The following FTCDNL1 variants were observed in gnomAD, a reference collection of about 807,000 sequenced individuals.
The protein encoded by FTCDNL1 is formiminotransferase cyclodeaminase N-terminal like, also known as formiminotransferase N-terminal subdomain-containing protein.
A neutral mutation model predicts 5.9 loss-of-function variants in FTCDNL1; 11 were observed. The observed-to-expected ratio is 1.87, with a 90% CI of 1.18 to 3.10. The LOEUF is 3.10. Among genes scored for constraint, FTCDNL1 ranks in the 30% most tolerant of loss-of-function variants. The pLI is 0.00. For missense variants in FTCDNL1, 115 were observed against 65.5 expected (o/e 1.76, Z -2.61); for synonymous variants, 58 against 24.8 (o/e 2.34, Z -3.99).
At chr2:199,778,404 G>T (rs1230701587) in intron 3 of FTCDNL1, among the ~76,000 whole-genome samples, 1 of 152,194 alleles carries the variant, frequency 6.6e-6, no homozygotes, top group Non-Finnish European at 1.5e-5. Flanking sequence ...AGAAATCCCT[G>T]AAGTCATCTA....
At chr2:199,687,403 G>A in the FTCDNL1 span, among the ~76,000 whole-genome samples, 3 of 152,170 alleles carry the variant, frequency 2.0e-5, no homozygotes, top group Admixed American at 6.5e-5. Context: ...TGAAAGTTCC[G>A]ATTTTGAACT....
chr2:199,830,309 A>G (rs1334999822), intron 3 of FTCDNL1, among the ~76,000 whole-genome samples: 1 of 152,208 alleles, frequency 6.6e-6, no homozygotes, highest in Non-Finnish European at 1.5e-5. Flanking sequence ...TCGCTACAGT[A>G]TGTTTAAAAA....
chr2:199,730,938 T>G, the FTCDNL1 span, among the ~76,000 whole-genome samples: 2 of 152,222 alleles, frequency 1.3e-5, no homozygotes, highest in African/African-American at 4.8e-5. Context: ...GACTTGGAAC[T>G]AACCTAAATG....
chr2:199,751,645 C>T, the FTCDNL1 span, among the ~76,000 whole-genome samples: 117,797 of 151,176 alleles, frequency 0.78, 48,671 homozygotes, highest in South Asian at 0.96. Flanking sequence ...CCTTTCTCCC[C>T]TTCTCTCTGC....
At chr2:199,699,570 A>T in the FTCDNL1 span, among the ~76,000 whole-genome samples, 22 of 152,320 alleles carry the variant, frequency 1.4e-4, no homozygotes, top group Middle Eastern at 3.4e-3. Context: ...CATCATTCTG[A>T]TACCAAAACC....
the FTCDNL1 span, among the ~76,000 whole-genome samples, chr2:199,673,327 C>CAAAAAAAAAAAAAAAAA: frequency 1.4e-5 from 1 of 69,792 alleles, no homozygotes; most frequent in African/African-American, 6.0e-5. Context: ...GACTCTGTCT[C>CAAAAAAAAAAAAAAAAA]AAAAAAAAAA....
At position 199,809,795 on chromosome 2, in the gene FTCDNL1, A is replaced by G. The variant is rs1425213719; in HGVS notation, c.*2910T>C. ...TTCAAAATTCTATATCTGGTTTATG[A>G]GCAGCAGATCATCTTAAAAGTAGTA... On this transcript the variant is annotated 3_prime_UTR_variant, in exon 5 of 5. Transcript: ENST00000420128. Among the ~76,000 whole-genome samples the G allele has an allele frequency of 1.3e-5, 2 of 152,164 alleles. No homozygotes were observed. Among genetic ancestry groups the G allele is most frequent in the Non-Finnish European group, 2.9e-5 (2 of 68,032 alleles).
chr2:199,700,631 T>C, the FTCDNL1 span, among the ~76,000 whole-genome samples: 3 of 152,106 alleles, frequency 2.0e-5, no homozygotes, highest in African/African-American at 7.2e-5. Context: ...ATAACACTAT[T>C]CAACTTCAAC....
chr2:199,671,500 C>T, the FTCDNL1 span, among the ~76,000 whole-genome samples: 1 of 152,158 alleles, frequency 6.6e-6, no homozygotes, highest in Non-Finnish European at 1.5e-5. Context: ...CCCAAACTCT[C>T]TTACATATCC....
At chr2:199,822,675 C>T (rs1401305658) in intron 3 of FTCDNL1, among the ~76,000 whole-genome samples, 1 of 152,180 alleles carries the variant, frequency 6.6e-6, no homozygotes, top group Admixed American at 6.5e-5. Context: ...ATATTGGAAA[C>T]AATACTCTCA....
the FTCDNL1 span, among the ~76,000 whole-genome samples, chr2:199,693,775 C>T: frequency 6.6e-6 from 1 of 152,180 alleles, no homozygotes; most frequent in East Asian, 1.9e-4. Flanking sequence ...GTGCAGACAT[C>T]TACACATGCA....
chr2:199,792,339 C>A (rs529219051), intron 3 of FTCDNL1, among the ~76,000 whole-genome samples: 1 of 152,110 alleles, frequency 6.6e-6, no homozygotes, highest in Non-Finnish European at 1.5e-5. Flanking sequence ...TCTATCCAAC[C>A]AAATCTGCTA....
At chr2:199,765,947 C>T (rs1698516635) in intron 3 of FTCDNL1, among the ~76,000 whole-genome samples, 2 of 152,100 alleles carry the variant, frequency 1.3e-5, no homozygotes, top group African/African-American at 4.8e-5. Context: ...CCCTCTGTCA[C>T]TGTTTGTTCT....
chr2:199,750,815 AAGAT>A, the FTCDNL1 span, among the ~76,000 whole-genome samples: 1 of 152,266 alleles, frequency 6.6e-6, no homozygotes, highest in Non-Finnish European at 1.5e-5. Flanking sequence ...CTCTTTATCT[AAGAT>A]AGGAAGCCAG....
At chr2:199,776,193 C>G (rs1699061988) in intron 3 of FTCDNL1, among the ~76,000 whole-genome samples, 1 of 152,118 alleles carries the variant, frequency 6.6e-6, no homozygotes, top group Non-Finnish European at 1.5e-5. Context: ...GTGGCCATGG[C>G]CTCTTGGAAT....
intron 3 of FTCDNL1, among the ~76,000 whole-genome samples, chr2:199,763,463 T>G: frequency 6.6e-6 from 1 of 152,282 alleles, no homozygotes; most frequent in Admixed American, 6.5e-5. Context: ...ACCTGGAGGT[T>G]CACTGGGGAT....
chr2:199,783,948 T>C (rs1699503536), intron 3 of FTCDNL1, among the ~76,000 whole-genome samples: 1 of 152,120 alleles, frequency 6.6e-6, no homozygotes. Flanking sequence ...AATTTGGGGA[T>C]TCAAGATTCA....
At chr2:199,701,671 C>T in the FTCDNL1 span, among the ~76,000 whole-genome samples, 1 of 152,150 alleles carries the variant, frequency 6.6e-6, no homozygotes, top group Non-Finnish European at 1.5e-5. Flanking sequence ...ATGGTTGCAG[C>T]TGGAAGTCAT....
chr2:199,756,697 C>T (rs4530349), downstream of FTCDNL1, among the ~76,000 whole-genome samples: 86,235 of 152,114 alleles, frequency 0.57, 26,912 homozygotes, highest in East Asian at 0.72. Flanking sequence ...TCGGTCACAA[C>T]AGGTTAGGTT....
Sources: allele counts gnomAD v4.1 joint callset (sites outside exome capture counted in the v4.1 genomes callset), GRCh38; gene constraint gnomAD v4.1.1; transcripts MANE v1.5; gene names NCBI Gene and HGNC (gene_info 2026-07-23, HGNC 2026-07-21).